The following WWC1 variants were observed in gnomAD, a reference collection of about 807,000 sequenced individuals.
The protein encoded by WWC1 is WW and C2 domain containing 1, also known as protein KIBRA.
WWC1 carries 55 observed loss-of-function variants against 138.4 expected under a neutral mutation model. The observed-to-expected ratio is 0.40, with a 90% CI of 0.32 to 0.50. The LOEUF (loss-of-function observed/expected upper bound fraction) is 0.50. Ranked by LOEUF, WWC1 falls within the 20% of genes least tolerant of loss-of-function variation. The pLI is 0.72. For synonymous variants in WWC1, 524 were observed against 564.9 expected, an observed-to-expected ratio of 0.93 and a Z score of 1.03; for missense variants, 1,226 against 1,420.4, an observed-to-expected ratio of 0.86 and a Z score of 2.20.
intron 17 of WWC1, among the ~76,000 whole-genome samples, chr5:168,447,376 T>A (rs1755374302): frequency 6.6e-6 from 1 of 152,210 alleles, no homozygotes. Context: ...TTGTGAGTCG[T>A]AAGAATTCTG....
chr5:168,438,731 G>C (rs145165508), intron 15 of WWC1, among the ~76,000 whole-genome samples: 1 of 151,686 alleles, frequency 6.6e-6, no homozygotes, highest in African/African-American at 2.4e-5. Flanking sequence ...TGCACATGTC[G>C]AAACAATAAA....
chr5:168,426,403 C>G (rs1781502150), intron 11 of WWC1, among the ~76,000 whole-genome samples: 1 of 152,140 alleles, frequency 6.6e-6, no homozygotes. Flanking sequence ...CTCCTCTCCC[C>G]TCCCTAACAG....
chr5:168,359,055 T>C (rs1355261233), intron 1 of WWC1, among the ~76,000 whole-genome samples: 3 of 151,718 alleles, frequency 2.0e-5, no homozygotes, highest in Non-Finnish European at 4.4e-5. Context: ...TGTGTGTGTG[T>C]GTGTGTGTGT....
At chr5:168,434,873 C>T (rs1222957033) in intron 15 of WWC1, among the ~76,000 whole-genome samples, 1 of 152,206 alleles carries the variant, frequency 6.6e-6, no homozygotes, top group East Asian at 1.9e-4. Flanking sequence ...TTCTCAGGCC[C>T]CACTGACGTC....
At chr5:168,452,319 A>T (rs185873833) in intron 17 of WWC1, among the ~76,000 whole-genome samples, 1 of 152,202 alleles carries the variant, frequency 6.6e-6, no homozygotes, top group Non-Finnish European at 1.5e-5. Flanking sequence ...CCTAACCCCT[A>T]GTACCTCAGA....
At chr5:168,387,623 G>C (rs2152821064) in intron 3 of WWC1, among the ~76,000 whole-genome samples, 1 of 152,268 alleles carries the variant, frequency 6.6e-6, no homozygotes, top group South Asian at 2.1e-4. Context: ...GTCGAGTTCT[G>C]GTGAGGGCTG....
intron 3 of WWC1, among the ~76,000 whole-genome samples, chr5:168,391,164 A>T (rs1778456307): frequency 6.6e-6 from 1 of 152,138 alleles, no homozygotes; most frequent in Non-Finnish European, 1.5e-5. Context: ...GTTCTTTGGG[A>T]CCTTATCATA....
intron 21 of WWC1, among the ~76,000 whole-genome samples, chr5:168,465,302 TAA>T (rs1489417740): frequency 3.3e-5 from 5 of 152,176 alleles, no homozygotes; most frequent in Non-Finnish European, 5.9e-5. Flanking sequence ...GCACGCACTT[TAA>T]AAGAGTAACA....
chr5:168,465,548 C>CTTTTTTT (rs10527141), intron 21 of WWC1, among the ~76,000 whole-genome samples: 4,750 of 46,930 alleles, frequency 0.1, 2,203 homozygotes, highest in East Asian at 0.14. Flanking sequence ...ATCAGCTGGG[C>CTTTTTTT]TTTTTTTTTT....
intron 1 of WWC1, among the ~76,000 whole-genome samples, chr5:168,344,382 G>A (rs1581982521): frequency 6.6e-6 from 1 of 152,334 alleles, no homozygotes; most frequent in South Asian, 2.1e-4. Flanking sequence ...TTCCAACAGC[G>A]AGTTATGGGG....
chr5:168,441,962 G>T, intron 16 of WWC1, 128 bp downstream of exon 16: 2 of 1,342,684 alleles, frequency 1.5e-6, no homozygotes, highest in Non-Finnish European at 9.8e-7. Flanking sequence ...GGAAGTAGGA[G>T]AAGAAGACAG....
chr5:168,356,850 G>A (rs905871177), intron 1 of WWC1, among the ~76,000 whole-genome samples: 1 of 152,276 alleles, frequency 6.6e-6, no homozygotes, highest in Admixed American at 6.5e-5. Flanking sequence ...CCATGGAGAC[G>A]GTTCCTGGTG....
rs1302005139 is a variant in WWC1 at position 168,430,128 on chromosome 5, T to G, written c.2001-9T>G. On this transcript the variant is annotated splice_polypyrimidine_tract_variant and intron_variant, in intron 13 of 22. Transcript: ENST00000265293. ...TAATAGGTACTTCATATGCCCCTTTTCATTTCAGGTATGATGAGAAGAATA... is the reference window on the plus strand; with the variant it reads ...TAATAGGTACTTCATATGCCCCTTTGCATTTCAGGTATGATGAGAAGAATA... 4.4e-6 allele frequency: 7 copies of G among 1,607,614 alleles called. No individual in the cohort carries two copies. Among genetic ancestry groups the G allele is most frequent in the African/African-American group, 1.3e-5 (1 of 74,912 alleles).
At position 168,413,377 on chromosome 5, in the gene WWC1, A is replaced by G. The variant is rs1008586027; in HGVS notation, c.942-971A>G. Among the ~76,000 whole-genome samples the G allele has an allele frequency of 3.3e-5, 5 of 152,342 alleles. No homozygotes were observed. In the South Asian group the frequency reaches 8.3e-4, roughly 25 times the overall value. On this transcript the variant is annotated intron_variant, in intron 8 of 22. Transcript: ENST00000265293. ...ATACTGTGGATCTTATTTTGGCCCA[A>G]TGATAATAATACTGAAGATCTATAT...
At chr5:168,421,601 A>C (rs59060854) in intron 9 of WWC1, among the ~76,000 whole-genome samples, 15,762 of 152,254 alleles carry the variant, frequency 0.1, 876 homozygotes, top group Middle Eastern at 0.15. Flanking sequence ...CATTCAGTAA[A>C]TATGAGCTGA....
intron 1 of WWC1, among the ~76,000 whole-genome samples, chr5:168,313,151 A>G (rs1771266837): frequency 1.3e-5 from 2 of 151,940 alleles, no homozygotes; most frequent in Admixed American, 1.3e-4. Context: ...ATTGCTCTGA[A>G]TGCTCATGGC....
chr5:168,366,640 T>G (rs1384354385), intron 1 of WWC1, among the ~76,000 whole-genome samples: 1 of 152,122 alleles, frequency 6.6e-6, no homozygotes, highest in Non-Finnish European at 1.5e-5. Context: ...TAAATGTATT[T>G]GGCTCTGACA....
At chr5:168,461,205 T>C (rs1756777569) in intron 20 of WWC1, among the ~76,000 whole-genome samples, 1 of 152,184 alleles carries the variant, frequency 6.6e-6, no homozygotes, top group Non-Finnish European at 1.5e-5. Context: ...AGCGTGTACC[T>C]GTAGTCCCAG....
chr5:168,337,381 AC>A (rs1214090335), intron 1 of WWC1, among the ~76,000 whole-genome samples: 1 of 151,172 alleles, frequency 6.6e-6, no homozygotes, highest in Non-Finnish European at 1.5e-5. Flanking sequence ...TCTTTCCTAC[AC>A]CCCTCCCCCC....
Sources: allele counts gnomAD v4.1 joint callset (sites outside exome capture counted in the v4.1 genomes callset), GRCh38; gene constraint gnomAD v4.1.1; transcripts MANE v1.5; gene names NCBI Gene and HGNC (gene_info 2026-07-23, HGNC 2026-07-21).